NRG1: variants seen among roughly 807,000 people sequenced by gnomAD.
NRG1 encodes neuregulin 1.
NRG1 carries 18 observed loss-of-function variants against 63.8 expected under a neutral mutation model. That is an observed-to-expected ratio of 0.28 (90% CI 0.19 to 0.42). The LOEUF (loss-of-function observed/expected upper bound fraction) is 0.42, where lower values mean the gene tolerates loss of function less well. NRG1 is among the 10% of genes least tolerant of loss of function. NRG1 has a pLI of 1.00. For missense variants in NRG1, 762 were observed against 814.7 expected, an observed-to-expected ratio of 0.94 and a Z score of 0.79; for synonymous variants, 302 against 301.3, an observed-to-expected ratio of 1.00 and a Z score of -0.02.
intron 1 of NRG1, among the ~76,000 whole-genome samples, chr8:31,910,073 A>C (rs1034489658): frequency 1.3e-5 from 2 of 152,240 alleles, no homozygotes; most frequent in African/African-American, 4.8e-5. Flanking sequence ...TGCCCTGATA[A>C]AAATTAAGTA....
chr8:32,737,309 C>T (rs998345341), intron 6 of NRG1, among the ~76,000 whole-genome samples: 1 of 152,046 alleles, frequency 6.6e-6, no homozygotes, highest in African/African-American at 2.4e-5. Flanking sequence ...CAGCACTTTG[C>T]GAGGCCAAGG....
At chr8:32,078,895 G>C (rs1383601154) in intron 1 of NRG1, among the ~76,000 whole-genome samples, 30 of 152,058 alleles carry the variant, frequency 2.0e-4, no homozygotes, top group Non-Finnish European at 1.5e-5. Flanking sequence ...GCGCTATTCT[G>C]TGTGTATGGA....
chr8:31,879,532 A>G (rs1830185291), intron 1 of NRG1, among the ~76,000 whole-genome samples: 1 of 152,156 alleles, frequency 6.6e-6, no homozygotes, highest in Non-Finnish European at 1.5e-5. Flanking sequence ...TCAGATCTGG[A>G]AGAGGTAGAG....
chr8:32,364,092 T>C (rs1807620947), intron 1 of NRG1, among the ~76,000 whole-genome samples: 1 of 148,640 alleles, frequency 6.7e-6, no homozygotes, highest in Non-Finnish European at 1.5e-5. Flanking sequence ...TTTTTTTTTT[T>C]TTTTTTTGCT....
chr8:32,048,813 G>GTTGTT (rs1221783969), intron 1 of NRG1, among the ~76,000 whole-genome samples: 1 of 151,784 alleles, frequency 6.6e-6, no homozygotes, highest in African/African-American at 2.4e-5. Context: ...TTTTAATCGG[G>GTTGTT]TTGTTTTGTT....
At position 31,886,686 on chromosome 8, in the gene NRG1, C is replaced by T. The variant is rs148226812; in HGVS notation, c.37+247255C>T. On this transcript the variant is annotated intron_variant, in intron 1 of 10. Transcript: ENST00000519301. Reference sequence around the variant, plus strand: ...TTTTAAAGGAGGCCTGATATGTGTTCGGAGGGGGAGCAACATGATTAGAAT... The same window carrying T: ...TTTTAAAGGAGGCCTGATATGTGTTTGGAGGGGGAGCAACATGATTAGAAT... 8.4e-4 allele frequency among the ~76,000 whole-genome samples: 127 copies of T among 151,966 alleles called. 1 individual carries two copies. The highest frequency in any genetic ancestry group is 3.0e-3 in the African/African-American group (124 of 41,460).
At chr8:31,857,205 C>T (rs1827986150) in intron 1 of NRG1, among the ~76,000 whole-genome samples, 1 of 152,222 alleles carries the variant, frequency 6.6e-6, no homozygotes, top group African/African-American at 2.4e-5. Context: ...GGCGCCCCTC[C>T]CCCAGCCTGC....
At chr8:32,246,252 A>T (rs930889434) in intron 1 of NRG1, among the ~76,000 whole-genome samples, 3 of 152,206 alleles carry the variant, frequency 2.0e-5, no homozygotes, top group African/African-American at 4.8e-5. Context: ...AATAGAAAGA[A>T]GTTTCCTATG....
intron 1 of NRG1, among the ~76,000 whole-genome samples, chr8:31,767,663 A>T (rs1818203742): frequency 1.3e-5 from 2 of 152,080 alleles, no homozygotes; most frequent in African/African-American, 2.4e-5. Context: ...AACATGCGGA[A>T]ACCCCGTCTC....
At chr8:32,390,920 G>A (rs1811670084) in intron 1 of NRG1, among the ~76,000 whole-genome samples, 1 of 152,052 alleles carries the variant, frequency 6.6e-6, no homozygotes. Context: ...TTAATCAATT[G>A]TAAAGAAACA....
chr8:32,571,482 T>C (rs1838570785), intron 1 of NRG1, among the ~76,000 whole-genome samples: 1 of 152,196 alleles, frequency 6.6e-6, no homozygotes, highest in South Asian at 2.1e-4. Context: ...TTTTGACTTG[T>C]GTCTTCTTCC....
At chr8:31,862,899 G>A (rs1828599039) in intron 1 of NRG1, among the ~76,000 whole-genome samples, 1 of 152,102 alleles carries the variant, frequency 6.6e-6, no homozygotes. Flanking sequence ...ATGGGCACAG[G>A]CATCCTCCCG....
At chr8:32,595,326 AC>A (rs1237431665) in intron 1 of NRG1, among the ~76,000 whole-genome samples, 2 of 151,936 alleles carry the variant, frequency 1.3e-5, no homozygotes, top group Non-Finnish European at 2.9e-5. Context: ...GGTAGCCGGG[AC>A]TACAGGCACA....
chr8:32,541,154 A>G (rs146011860), intron 1 of NRG1, among the ~76,000 whole-genome samples: 1 of 152,268 alleles, frequency 6.6e-6, no homozygotes, highest in East Asian at 1.9e-4. Context: ...GGTGGAGATG[A>G]CTGTAACATT....
intron 1 of NRG1, among the ~76,000 whole-genome samples, chr8:31,785,872 C>T (rs2131634636): frequency 6.6e-6 from 1 of 152,246 alleles, no homozygotes; most frequent in Middle Eastern, 3.4e-3. Context: ...GCACAAGTTT[C>T]CTGCTTAGCT....
At position 31,870,230 on chromosome 8, in the gene NRG1, TA is replaced by T. The variant is rs992635534; in HGVS notation, c.37+230808del. ...AGAATTTGGAAGATCATGGTGGAAT[TA>T]AAAAAAAAGGAATGTAGTCAGATGG... On this transcript the variant is annotated intron_variant, in intron 1 of 10. Transcript: ENST00000519301. 2.1e-4 allele frequency among the ~76,000 whole-genome samples: 31 copies of T among 150,626 alleles called. No homozygotes were observed. The East Asian group carries it at 2.7e-3, about 13-fold the overall frequency.
At chr8:32,208,246 T>C (rs1343121087) in intron 1 of NRG1, among the ~76,000 whole-genome samples, 1 of 151,798 alleles carries the variant, frequency 6.6e-6, no homozygotes, top group Non-Finnish European at 1.5e-5. Flanking sequence ...AGGAAATGGG[T>C]ACTCTCAAAC....
intron 1 of NRG1, among the ~76,000 whole-genome samples, chr8:32,131,744 G>A (rs531784265): frequency 1.3e-5 from 2 of 152,138 alleles, no homozygotes; most frequent in East Asian, 3.9e-4. Flanking sequence ...TTGTTGATAA[G>A]ACACTTAAAT....
intron 1 of NRG1, among the ~76,000 whole-genome samples, chr8:32,574,503 A>T (rs1271667500): frequency 6.6e-6 from 1 of 152,112 alleles, no homozygotes; most frequent in Non-Finnish European, 1.5e-5. Flanking sequence ...TGACTGGATC[A>T]TGGGGGTGGA....
Sources: allele counts gnomAD v4.1 joint callset (sites outside exome capture counted in the v4.1 genomes callset), GRCh38; gene constraint gnomAD v4.1.1; transcripts MANE v1.5; gene names NCBI Gene and HGNC (gene_info 2026-07-23, HGNC 2026-07-21).